Variants in SCAPER observed in about 807,000 individuals in gnomAD.
SCAPER encodes the protein S-phase cyclin A associated protein in the ER, also known as S phase cyclin A-associated protein in the endoplasmic reticulum.
Under a neutral mutation model 182.2 loss-of-function variants are expected in SCAPER, and 98 were observed. The observed-to-expected ratio is 0.54, with a 90% CI of 0.46 to 0.64. The LOEUF (loss-of-function observed/expected upper bound fraction) is 0.64, where lower values mean the gene tolerates loss of function less well. SCAPER is among the 30% of genes least tolerant of loss of function. The pLI, the probability that SCAPER is intolerant of heterozygous loss-of-function variation, is 0.00. For synonymous variants in SCAPER, 605 were observed against 564.6 expected (o/e 1.07, Z -1.01); for missense variants, 1,432 against 1,690.0 (o/e 0.85, Z 2.68).
chr15:76,523,677 T>C (rs180952954), intron 23 of SCAPER, among the ~76,000 whole-genome samples: 33 of 152,176 alleles, frequency 2.2e-4, no homozygotes, highest in Non-Finnish European at 4.0e-4. Flanking sequence ...ATAACATGAG[T>C]ACAATCAGAG....
intron 23 of SCAPER, among the ~76,000 whole-genome samples, chr15:76,518,512 C>T (rs965259303): frequency 8.6e-5 from 13 of 152,004 alleles, no homozygotes; most frequent in South Asian, 4.1e-4. Context: ...CTAAAGGAAA[C>T]GAAGGGAAGG....
chr15:76,615,671 C>A (rs2146003693), intron 22 of SCAPER, among the ~76,000 whole-genome samples: 1 of 150,102 alleles, frequency 6.7e-6, no homozygotes, highest in African/African-American at 2.4e-5. Context: ...ATACAAAAAA[C>A]TAGCTGGGCA....
intron 21 of SCAPER, among the ~76,000 whole-genome samples, chr15:76,646,024 C>T (rs184091903): frequency 2.9e-4 from 44 of 152,214 alleles, no homozygotes; most frequent in Non-Finnish European, 4.3e-4. Flanking sequence ...CAAAAATTGA[C>T]GCTATGTCAA....
chr15:76,826,456 A>C (rs1387717489), intron 5 of SCAPER, among the ~76,000 whole-genome samples: 2 of 150,576 alleles, frequency 1.3e-5, no homozygotes, highest in Non-Finnish European at 3.0e-5. Context: ...AGATATACCT[A>C]ATGCTAGATG....
At chr15:76,635,838 C>T (rs1252766468) in intron 21 of SCAPER, among the ~76,000 whole-genome samples, 1 of 152,178 alleles carries the variant, frequency 6.6e-6, no homozygotes, top group Non-Finnish European at 1.5e-5. Flanking sequence ...CCCCTTCATT[C>T]TATTAATATG....
intron 4 of SCAPER, among the ~76,000 whole-genome samples, chr15:76,854,803 C>CA (rs35484908): frequency 0.049 from 5,811 of 118,316 alleles, 433 homozygotes; most frequent in African/African-American, 0.17. Flanking sequence ...ACTAAAAATA[C>CA]AAAAAAAAAA....
intron 1 of SCAPER, among the ~76,000 whole-genome samples, chr15:76,890,235 C>T (rs907343731): frequency 6.6e-6 from 1 of 152,064 alleles, no homozygotes; most frequent in Non-Finnish European, 1.5e-5. Context: ...AAAATCTGCA[C>T]CCTAACAACA....
chr15:76,551,312 T>A (rs967983415), intron 23 of SCAPER, among the ~76,000 whole-genome samples: 11 of 152,160 alleles, frequency 7.2e-5, no homozygotes, highest in Admixed American at 2.6e-4. Flanking sequence ...TCAACCTAAG[T>A]GTCCATCAAT....
chr15:76,401,814 C>T (rs1478190496), intron 27 of SCAPER, among the ~76,000 whole-genome samples: 1 of 152,062 alleles, frequency 6.6e-6, no homozygotes, highest in Non-Finnish European at 1.5e-5. Flanking sequence ...AGAAGAGAAA[C>T]AGGGAAGGGA....
chr15:76,554,118 G>A (rs1219645936), intron 23 of SCAPER, among the ~76,000 whole-genome samples: 4 of 152,130 alleles, frequency 2.6e-5, no homozygotes, highest in African/African-American at 7.2e-5. Flanking sequence ...AGATGAAATG[G>A]TCATTTTAAG....
At chr15:76,753,263 C>A (rs142321923) in intron 15 of SCAPER, among the ~76,000 whole-genome samples, 9 of 151,740 alleles carry the variant, frequency 5.9e-5, no homozygotes, top group Non-Finnish European at 1.0e-4. Context: ...TATTTCCATA[C>A]GTAAAGAAAT....
Position 76,618,636 on chromosome 15 carries a change from C to T in SCAPER, c.2711+3128G>A, listed in dbSNP as rs185248864. Among the ~76,000 whole-genome samples the T allele has an allele frequency of 1.3e-3, 203 of 151,862 alleles. 2 individuals carry two copies. Among genetic ancestry groups the T allele is most frequent in the African/African-American group, 4.3e-3 (179 of 41,418 alleles). ...ATTTATTATTTTCTCTTCTGTGACA[C>T]GATTATTCATTACAATCCAAATTAA... On this transcript the variant is annotated intron_variant, in intron 22 of 31. Coordinates refer to ENST00000563290, the MANE Select transcript of SCAPER (RefSeq NM_020843.4).
chr15:76,520,903 T>C lies in SCAPER; in HGVS notation c.2839-15929A>G, dbSNP rs147256783. Reference sequence around the variant, plus strand: ...ACAAAATTGTTTAATTGAACTAAAATGTCTATAAAGTGAATGCAATTATAT... The same window carrying C: ...ACAAAATTGTTTAATTGAACTAAAACGTCTATAAAGTGAATGCAATTATAT... On this transcript the variant is annotated intron_variant, in intron 23 of 31. Transcript: ENST00000563290. Among the ~76,000 whole-genome samples, 1,100 of 152,282 alleles carry C rather than the reference T, an allele frequency of 7.2e-3. 14 individuals carry two copies. Among genetic ancestry groups the C allele is most frequent in the African/African-American group, 0.026 (1,068 of 41,550 alleles).
rs565108599 is a variant in SCAPER at position 76,549,748 on chromosome 15, A to AC, written c.2838+24409dup. On this transcript the variant is annotated intron_variant, in intron 23 of 31. Transcript: ENST00000563290. ...GTACCCTAAAACTTAAAGTGTAAAAACAAAAAAAAGGATGAGATTAAGGAA... is the reference window on the plus strand; with the variant it reads ...GTACCCTAAAACTTAAAGTGTAAAAACCAAAAAAAAGGATGAGATTAAGGAA... 1.2e-3 allele frequency among the ~76,000 whole-genome samples: 12 copies of AC among 9,764 alleles called. No individual in the cohort carries two copies. In the East Asian group the frequency reaches 0.22, roughly 181 times the overall value. The allele number at this position is 9,764 out of a possible 152,430, so 6.4% of individuals were successfully genotyped here. A position where few individuals can be genotyped will look rare whatever the true frequency, so the allele number is the denominator to read the frequency against.
chr15:76,700,396 T>C (rs1382498065), intron 20 of SCAPER, among the ~76,000 whole-genome samples: 1 of 152,096 alleles, frequency 6.6e-6, no homozygotes, highest in African/African-American at 2.4e-5. Flanking sequence ...GGTCATGGGG[T>C]CTCCTGCAGC....
At position 76,427,005 on chromosome 15, in the gene SCAPER, TG is replaced by T. The variant is rs376451222; in HGVS notation, c.3311+7072del. On this transcript the variant is annotated intron_variant, in intron 26 of 31. Coordinates refer to ENST00000563290, the MANE Select transcript of SCAPER (RefSeq NM_020843.4). ...CTTCAATAAACCGTGCTGGGATAAT[TG>T]GGTATCTACATGCAGAAGAATGAGA... Among the ~76,000 whole-genome samples, 9 of 152,300 alleles carry T rather than the reference TG, an allele frequency of 5.9e-5. No individual in the cohort carries two copies. The East Asian group carries it at 1.5e-3, about 26-fold the overall frequency.
chr15:76,502,311 G>A (rs554090244), intron 24 of SCAPER, among the ~76,000 whole-genome samples: 5 of 152,204 alleles, frequency 3.3e-5, no homozygotes, highest in Non-Finnish European at 7.4e-5. Context: ...ACTCTCTCTT[G>A]GAACCAACCC....
intron 20 of SCAPER, among the ~76,000 whole-genome samples, chr15:76,681,796 G>C (rs912019718): frequency 2.6e-5 from 4 of 152,182 alleles, no homozygotes; most frequent in African/African-American, 9.7e-5. Context: ...TAGAGGGGCG[G>C]TAGGGGCAAG....
In SCAPER at chr15:76,576,075, A is replaced by C. The variant is rs114887945; in HGVS notation, c.2712-1791T>G. Among the ~76,000 whole-genome samples, 237 of 152,372 alleles carry C rather than the reference A, an allele frequency of 1.6e-3. 1 individual carries two copies. Among genetic ancestry groups the C allele is most frequent in the African/African-American group, 5.2e-3 (218 of 41,580 alleles). On this transcript the variant is annotated intron_variant, in intron 22 of 31. Coordinates refer to ENST00000563290, the MANE Select transcript of SCAPER (RefSeq NM_020843.4). ...TCTTCTTTACATTAATTTTAACAAT[A>C]TCCAGACCAAGGATGGTGGTTCATG...
Sources: gnomAD v4.1 joint callset for allele counts (sites outside exome capture counted in the v4.1 genomes callset) on GRCh38, gnomAD v4.1.1 for gene constraint, MANE v1.5 for transcripts, NCBI Gene and HGNC (gene_info 2026-07-23, HGNC 2026-07-21) for gene names.